RYR2: variants seen among roughly 807,000 people sequenced by gnomAD.
RYR2 encodes ryanodine receptor 2.
A neutral mutation model predicts 601.1 loss-of-function variants in RYR2; 227 were observed. That is an observed-to-expected ratio of 0.38 (90% CI 0.34 to 0.42). The LOEUF (loss-of-function observed/expected upper bound fraction) is 0.42. Ranked by LOEUF, RYR2 falls within the 10% of genes least tolerant of loss-of-function variation. The probability of loss-of-function intolerance (pLI) is 1.00; values close to 1 mark genes in which losing one functional copy is unlikely to be tolerated. For missense variants in RYR2, 4,646 were observed against 6,156.5 expected (o/e 0.75, Z 8.21); for synonymous variants, 2,223 against 2,175.1 (o/e 1.02, Z -0.61).
At chr1:237,231,215 G>A (rs1040527532) in intron 1 of RYR2, among the ~76,000 whole-genome samples, 1 of 152,116 alleles carries the variant, frequency 6.6e-6, no homozygotes, top group Non-Finnish European at 1.5e-5. Flanking sequence ...GTGAGGGGAG[G>A]AAGTGGGGGT....
Position 237,135,223 on chromosome 1 carries a change from C to T in RYR2, c.48+92654C>T, listed in dbSNP as rs1672633987. Reference sequence around the variant, plus strand: ...ACCAAGGAAGGTGCAGCATCACTTTCCAGTTATCTTGTAATAGAATATCAT... The same window carrying T: ...ACCAAGGAAGGTGCAGCATCACTTTTCAGTTATCTTGTAATAGAATATCAT... On this transcript the variant is annotated intron_variant, in intron 1 of 104. Coordinates refer to ENST00000366574, the MANE Select transcript of RYR2 (RefSeq NM_001035.3). 2.0e-5 allele frequency among the ~76,000 whole-genome samples: 3 copies of T among 152,156 alleles called. No homozygotes were observed. The South Asian group carries it at 6.2e-4, about 32-fold the overall frequency.
chr1:237,458,632 G>A (rs970618342), intron 16 of RYR2, among the ~76,000 whole-genome samples: 6 of 151,898 alleles, frequency 4.0e-5, no homozygotes, highest in African/African-American at 1.5e-4. Context: ...TTAACTGAAT[G>A]TCTGGCACAT....
At chr1:237,803,319 T>TTTTG (rs1243312712) in intron 98 of RYR2, among the ~76,000 whole-genome samples, 1 of 151,918 alleles carries the variant, frequency 6.6e-6, no homozygotes, top group African/African-American at 2.4e-5. Context: ...TTCTTTTTTT[T>TTTTG]TTGAGACAGA....
intron 27 of RYR2, among the ~76,000 whole-genome samples, chr1:237,555,988 A>T (rs1347607768): frequency 6.6e-6 from 1 of 152,176 alleles, no homozygotes; most frequent in Non-Finnish European, 1.5e-5. Context: ...TCAGTGACAC[A>T]TGATACATTT....
chr1:237,115,237 C>CA (rs1669927280), intron 1 of RYR2, among the ~76,000 whole-genome samples: 1 of 50,666 alleles, frequency 2.0e-5, no homozygotes. Flanking sequence ...GGAAACCACA[C>CA]CCCCCCCCTT....
intron 72 of RYR2, among the ~76,000 whole-genome samples, chr1:237,718,065 T>A (rs1293891653): frequency 6.6e-6 from 1 of 152,216 alleles, no homozygotes; most frequent in African/African-American, 2.4e-5. Context: ...CTCTAGAGTT[T>A]GATTCTCAGT....
chr1:237,090,461 G>T (rs376694930), intron 1 of RYR2, among the ~76,000 whole-genome samples: 1 of 152,244 alleles, frequency 6.6e-6, no homozygotes, highest in South Asian at 2.1e-4. Flanking sequence ...GACAGTTGAA[G>T]GTGCCACATT....
At chr1:237,600,169 G>A (rs1676341914) in intron 34 of RYR2, among the ~76,000 whole-genome samples, 5 of 152,076 alleles carry the variant, frequency 3.3e-5, no homozygotes, top group Middle Eastern at 3.4e-3. Flanking sequence ...CACACTAACT[G>A]AGTTTAAAAT....
At chr1:237,542,039 T>G (rs1669329541) in intron 25 of RYR2, among the ~76,000 whole-genome samples, 1 of 151,892 alleles carries the variant, frequency 6.6e-6, no homozygotes. Context: ...ATAATTTCTA[T>G]AAAGGTATAC....
chr1:237,147,849 G>C (rs1674190534), intron 1 of RYR2, among the ~76,000 whole-genome samples: 1 of 152,224 alleles, frequency 6.6e-6, no homozygotes, highest in African/African-American at 2.4e-5. Flanking sequence ...TTCTGCAAAA[G>C]CTTCTTATGT....
chr1:237,696,096 C>T (rs1025503231), intron 63 of RYR2, among the ~76,000 whole-genome samples: 6 of 152,144 alleles, frequency 3.9e-5, no homozygotes, highest in Non-Finnish European at 7.4e-5. Context: ...AAACAAAAAT[C>T]CCAGCCTGCC....
chr1:237,353,442 G>A (rs895421806), intron 3 of RYR2, among the ~76,000 whole-genome samples: 2 of 150,654 alleles, frequency 1.3e-5, no homozygotes, highest in African/African-American at 2.4e-5. Context: ...CCAGGAGGCG[G>A]AGGTTACAGT....
chr1:237,147,222 CAAATT>C (rs146319963), intron 1 of RYR2, among the ~76,000 whole-genome samples: 9,283 of 152,054 alleles, frequency 0.061, 573 homozygotes, highest in African/African-American at 0.16. Flanking sequence ...TTTTAATTGA[CAAATT>C]AAATGATTTT....
chr1:237,389,521 C>T (rs570485258), intron 10 of RYR2, among the ~76,000 whole-genome samples: 3 of 152,066 alleles, frequency 2.0e-5, no homozygotes, highest in South Asian at 2.1e-4. Flanking sequence ...TGCAGTAATT[C>T]GTGTGACAAA....
At chr1:237,083,915 C>T (rs1052881293) in intron 1 of RYR2, among the ~76,000 whole-genome samples, 12 of 152,176 alleles carry the variant, frequency 7.9e-5, no homozygotes, top group African/African-American at 2.7e-4. Flanking sequence ...CCACGGCACA[C>T]CTCAGTGCAG....
intron 1 of RYR2, among the ~76,000 whole-genome samples, chr1:237,225,411 A>T (rs950838512): frequency 6.6e-6 from 1 of 152,184 alleles, no homozygotes; most frequent in Non-Finnish European, 1.5e-5. Context: ...CACGTCTTAC[A>T]TGGCGGCAGA....
At chr1:237,259,329 G>C (rs1055782405) in intron 1 of RYR2, among the ~76,000 whole-genome samples, 1 of 152,024 alleles carries the variant, frequency 6.6e-6, no homozygotes, top group African/African-American at 2.4e-5. Flanking sequence ...CTAACATGAT[G>C]AAACTCTCTC....
chr1:237,662,669 T>C (rs1324602537), intron 56 of RYR2, among the ~76,000 whole-genome samples: 1 of 152,232 alleles, frequency 6.6e-6, no homozygotes, highest in Non-Finnish European at 1.5e-5. Context: ...TTCTCCTTTT[T>C]GTTCTAATAG....
intron 104 of RYR2, among the ~76,000 whole-genome samples, chr1:237,831,845 A>G (rs1247310217): frequency 8.8e-6 from 1 of 113,356 alleles, no homozygotes. Context: ...TTGAGTTCTT[A>G]ATTATTGCAT....
Sources: allele counts gnomAD v4.1 joint callset (sites outside exome capture counted in the v4.1 genomes callset), GRCh38; gene constraint gnomAD v4.1.1; transcripts MANE v1.5; gene names NCBI Gene and HGNC (gene_info 2026-07-23, HGNC 2026-07-21).